NDUFS1: variants seen among roughly 807,000 people sequenced by gnomAD.
The protein encoded by NDUFS1 is NADH:ubiquinone oxidoreductase core subunit S1, also known as NADH-ubiquinone oxidoreductase 75 kDa subunit, mitochondrial.
NDUFS1 carries 61 observed loss-of-function variants against 84.4 expected under a neutral mutation model. The observed-to-expected ratio is 0.72, with a 90% CI of 0.59 to 0.89. The LOEUF (loss-of-function observed/expected upper bound fraction) is 0.89, where lower values mean the gene tolerates loss of function less well. Ranked by LOEUF, NDUFS1 falls within the 40% of genes least tolerant of loss-of-function variation. The pLI, the probability that NDUFS1 is intolerant of heterozygous loss-of-function variation, is 0.00. For synonymous variants in NDUFS1, 275 were observed against 290.0 expected, an observed-to-expected ratio of 0.95 and a Z score of 0.53; for missense variants, 891 against 890.0, an observed-to-expected ratio of 1.00 and a Z score of -0.01.
At chr2:206,124,867 G>A (rs981097900) in intron 18 of NDUFS1, among the ~76,000 whole-genome samples, 1 of 151,682 alleles carries the variant, frequency 6.6e-6, no homozygotes, top group African/African-American at 2.4e-5. Context: ...AATAAATATA[G>A]GAAAAATGTG....
Position 206,122,969 on chromosome 2 carries a change from C to T in NDUFS1, c.*1216G>A, listed in dbSNP as rs1440943723. On this transcript the variant is annotated 3_prime_UTR_variant, in exon 19 of 19. Transcript: ENST00000233190. ...AGACTGGTCTCCAACTGCCTGGGCT[C>T]AAGCGATCCACCCACCTTGGCCCCC... The T allele has an allele frequency of 6.6e-6, 1 of 151,980 alleles. No individual in the cohort carries two copies. The highest frequency in any genetic ancestry group is 2.4e-5 in the African/African-American group (1 of 41,350). The allele number at this position is 151,980 out of a possible 1,614,324, so 9.4% of individuals were successfully genotyped here.
rs147185691 is a variant in NDUFS1, at chr2:206,142,052, T to C, written c.1151A>G (p.Asn384Ser). 68 of 1,601,746 alleles carry C rather than the reference T, an allele frequency of 4.2e-5. No homozygotes were observed. Among genetic ancestry groups the C allele is most frequent in the African/African-American group, 1.6e-4 (12 of 74,734 alleles). The change falls in exon 12 of 19, where the codon AAT becomes AGT. Residue 384 changes from asparagine (N) to serine (S), a missense_variant. Transcript: ENST00000233190. Reference sequence around the variant, plus strand: ...AGCAATTGTAGTATTAAGAAGATAATTGGAACGCAAATCTGTGCTAGAAAT... The same window carrying C: ...AGCAATTGTAGTATTAAGAAGATAACTGGAACGCAAATCTGTGCTAGAAAT... ...TAGAGTDLRS[N>S]YLLNTTIAGV...
intron 13 of NDUFS1, among the ~76,000 whole-genome samples, chr2:206,136,687 G>A (rs1221393015): frequency 6.6e-6 from 1 of 151,790 alleles, no homozygotes; most frequent in Non-Finnish European, 1.5e-5. Context: ...ATACACCTTG[G>A]CCTCCCAAAG....
intron 12 of NDUFS1, 107 bp from the exon 13 acceptor site, chr2:206,138,721 A>ATTGT: frequency 8.5e-7 from 1 of 1,183,186 alleles, no homozygotes; most frequent in Non-Finnish European, 1.2e-6. Context: ...TGTTAAAAGC[A>ATTGT]CAGACAATAC....
chr2:206,147,615 C>T lies in NDUFS1; in HGVS notation c.467G>A (p.Gly156Glu). 6.2e-7 allele frequency: 1 copy of T among 1,614,088 alleles called. No individual in the cohort carries two copies. The highest frequency in any genetic ancestry group is 8.5e-7 in the Non-Finnish European group (1 of 1,179,992). ...GTTCTTGTCTTCCACAGCACGCTTC[C>T]CCTCTAAAAATCGGCTCCTATCATT... Reference protein sequence around the residue: ...FGNDRSRFLEGKRAVEDKNIG... With the variant: ...FGNDRSRFLEEKRAVEDKNIG... Residue 156 changes from glycine (G) to glutamate (E), a missense_variant, in exon 7 of 19, where the codon GGG (glycine) becomes GAG (glutamate). Physicochemically the swap from Gly to Glu is moderately conservative, Grantham distance 98. Coordinates refer to ENST00000233190, the MANE Select transcript of NDUFS1 (RefSeq NM_005006.7).
At chr2:206,126,484 A>T (rs1691295711) in intron 18 of NDUFS1, 55 bp downstream of exon 18, 1 of 1,480,608 alleles carries the variant, frequency 6.8e-7, no homozygotes, top group African/African-American at 1.4e-5. Flanking sequence ...AAATGAGGTG[A>T]TCTGATTACT....
intron 13 of NDUFS1, among the ~76,000 whole-genome samples, chr2:206,135,167 C>T (rs544297277): frequency 1.5e-4 from 23 of 152,006 alleles, no homozygotes; most frequent in South Asian, 1.2e-3. Flanking sequence ...TACTGGCACA[C>T]GCCACCATGC....
At position 206,126,590 on chromosome 2, in the gene NDUFS1, C is replaced by T. The variant is rs1284097284; in HGVS notation, c.2041G>A (p.Ala681Thr). 6.2e-7 allele frequency: 1 copy of T among 1,613,954 alleles called. No homozygotes were observed. The highest frequency in any genetic ancestry group is 8.5e-7 in the Non-Finnish European group (1 of 1,180,028). ...AGCTGAGGTGGAACAAGTGGGTCAG[C>T]AAGAAGCTGCTGGTTCACTAGCTGC... ...LSKLVNQQLL[A>T]DPLVPPQLTI... Residue 681 changes from alanine to threonine, a missense_variant, in exon 18 of 19, where the codon GCT becomes ACT. Transcript: ENST00000233190.
Position 206,146,979 on chromosome 2 carries a change from T to A in NDUFS1, c.661A>T (p.Asn221Tyr), listed in dbSNP as rs1131692032. ...EKMFMSELSG[N>Y]IIDICPVGAL... ...CCTACAGGGCAGATATCAATGATATTCCCAGACAGTTCAGACATGAACATC... is the reference window on the plus strand; with the variant it reads ...CCTACAGGGCAGATATCAATGATATACCCAGACAGTTCAGACATGAACATC... Residue 221 changes from asparagine (N) to tyrosine (Y), a missense_variant, in exon 8 of 19, where the codon AAT becomes TAT. By Grantham distance (143) the Asn-to-Tyr change is moderately radical (BLOSUM62 -2). Transcript: ENST00000233190. The A allele has an allele frequency of 6.2e-7, 1 of 1,614,098 alleles. No homozygotes were observed. Among genetic ancestry groups the A allele is most frequent in the Non-Finnish European group, 8.5e-7 (1 of 1,179,980 alleles).
chr2:206,116,842 A>G lies in NDUFS1; in HGVS notation c.*7343T>C. 5.9e-6 allele frequency: 1 copy of G among 169,982 alleles called. No homozygotes were observed. Among genetic ancestry groups the G allele is most frequent in the Non-Finnish European group, 1.3e-5 (1 of 78,770 alleles). The allele number at this position is 169,982 out of a possible 1,614,324, so 10.5% of individuals were successfully genotyped here. On this transcript the variant is annotated 3_prime_UTR_variant, in exon 19 of 19. Coordinates refer to ENST00000233190, the MANE Select transcript of NDUFS1 (RefSeq NM_005006.7). ...TGAGACCAGCCTGACCAACATGGTG[A>G]AACCCCGTCTCTACTAAAAATACAA...
At chr2:206,124,994 C>T (rs1207167083) in intron 18 of NDUFS1, among the ~76,000 whole-genome samples, 1 of 151,948 alleles carries the variant, frequency 6.6e-6, no homozygotes, top group African/African-American at 2.4e-5. Flanking sequence ...AAGCTATCAA[C>T]CCCCAAGTGA....
rs1559059969 is a variant in NDUFS1 at position 206,147,090 on chromosome 2, T to C, written c.552-2A>G. On this transcript the variant is annotated splice_acceptor_variant, in intron 7 of 18. Transcript: ENST00000233190. LOFTEE classifies it high-confidence loss of function. ...ACTCCTGCAATCTCACTTGCAAACC[T>C]ACAAGATAAAAAATGTGTCATCAAT... 6.2e-7 allele frequency: 1 copy of C among 1,614,090 alleles called. No homozygotes were observed. The highest frequency in any genetic ancestry group is 1.3e-5 in the African/African-American group (1 of 75,044).
intron 10 of NDUFS1, among the ~76,000 whole-genome samples, chr2:206,143,502 A>G (rs1368398234): frequency 1.3e-5 from 2 of 152,112 alleles, no homozygotes; most frequent in Non-Finnish European, 2.9e-5. Context: ...TCTAACAAGA[A>G]AACTATTCCC....
Position 206,144,084 on chromosome 2 carries a change from G to C in NDUFS1, c.921C>G (p.Val307=). 1 of 1,613,988 alleles carries C rather than the reference G, an allele frequency of 6.2e-7. No individual in the cohort carries two copies. The highest frequency in any genetic ancestry group is 8.5e-7 in the Non-Finnish European group (1 of 1,179,954). The change falls in exon 10 of 19, where the codon GTC becomes GTG. Residue 307 remains valine, a synonymous_variant. Coordinates refer to ENST00000233190, the MANE Select transcript of NDUFS1 (RefSeq NM_005006.7). ...AGGTTAAAAGCCCTTTTTCATTTCT[G>C]ACCATTGGCTCGGTAAGTCTTTGAC... ...LKRQRLTEPM[V]RNEKGLLTYT... is the part of the protein sequence containing the mutation.
chr2:206,145,084 TACCTGG>T, intron 8 of NDUFS1, 58 bp from the exon 9 acceptor site: 1 of 1,512,628 alleles, frequency 6.6e-7, no homozygotes. Flanking sequence ...AAGTTTCTGT[TACCTGG>T]TTTACCAAAA....
chr2:206,158,819 T>C (rs1166100841), intron 1 of NDUFS1, among the ~76,000 whole-genome samples: 1 of 152,212 alleles, frequency 6.6e-6, no homozygotes, highest in Non-Finnish European at 1.5e-5. Context: ...TTTTTCTCAA[T>C]TTCCCGTTAG....
intron 1 of NDUFS1, among the ~76,000 whole-genome samples, chr2:206,158,096 T>TC (rs1553509194): frequency 0.082 from 12,400 of 151,384 alleles, 741 homozygotes; most frequent in Admixed American, 0.19. Flanking sequence ...CCCAAGTAGC[T>TC]GGACTACAGG....
intron 12 of NDUFS1, among the ~76,000 whole-genome samples, chr2:206,139,705 C>G (rs28482807): frequency 0.026 from 3,982 of 151,622 alleles, 178 homozygotes; most frequent in African/African-American, 0.092. Context: ...TCTGGTTTGT[C>G]TGAGATAATG....
intron 12 of NDUFS1, among the ~76,000 whole-genome samples, chr2:206,138,819 T>A (rs1340234779): frequency 6.6e-6 from 1 of 152,194 alleles, no homozygotes. Flanking sequence ...ATTTGCTGTG[T>A]AGAAATGCTA....
Sources: allele counts gnomAD v4.1 joint callset (sites outside exome capture counted in the v4.1 genomes callset), GRCh38; gene constraint gnomAD v4.1.1; transcripts MANE v1.5; gene names NCBI Gene and HGNC (gene_info 2026-07-23, HGNC 2026-07-21).